The following ATP2C1 variants were observed in gnomAD, a reference collection of about 807,000 sequenced individuals.
The protein encoded by ATP2C1 is calcium-transporting ATPase type 2C member 1.
Under a neutral mutation model 120.5 loss-of-function variants are expected in ATP2C1, and 31 were observed. The ratio of observed to expected loss-of-function variants is 0.26; its 90% CI spans 0.19 to 0.35. The LOEUF (loss-of-function observed/expected upper bound fraction) is 0.35, where lower values mean the gene tolerates loss of function less well. ATP2C1 is among the 10% of genes least tolerant of loss of function. The probability of loss-of-function intolerance (pLI) is 1.00; values close to 1 mark genes in which losing one functional copy is unlikely to be tolerated. For synonymous variants in ATP2C1, 351 were observed against 358.7 expected, an observed-to-expected ratio of 0.98 and a Z score of 0.24; for missense variants, 731 against 1,107.5, an observed-to-expected ratio of 0.66 and a Z score of 4.83.
Position 130,901,649 on chromosome 3 carries a change from A to T in ATP2C1, c.6+6874A>T, listed in dbSNP as rs529227800. 3.3e-5 allele frequency among the ~76,000 whole-genome samples: 5 copies of T among 152,088 alleles called. No homozygotes were observed. The South Asian group carries it at 1.0e-3, about 32-fold the overall frequency. The stretch of plus-strand genomic sequence containing the variant: ...GATTTAGGGGCTGGCTGAAGGGAAT[A>T]TATAGGTCAGACTGTCATGATGTGA... On this transcript the variant is annotated intron_variant, in intron 2 of 27. Transcript: ENST00000510168.
intron 26 of ATP2C1, 140 bp from the exon 27 acceptor site, chr3:130,999,378 A>G: frequency 1.3e-6 from 1 of 768,060 alleles, no homozygotes; most frequent in Non-Finnish European, 2.2e-6. Flanking sequence ...CAGTAGTAAA[A>G]TTTAAGATAT....
intron 22 of ATP2C1, 52 bp from the exon 23 acceptor site, chr3:130,995,991 C>T (rs2062604870): frequency 1.7e-6 from 2 of 1,174,414 alleles, no homozygotes; most frequent in Non-Finnish European, 2.5e-6. Flanking sequence ...AGTATAGATA[C>T]ATTTTTGTAT....
chr3:131,004,776 G>A (rs1560042701), downstream of ATP2C1, among the ~76,000 whole-genome samples: 1 of 152,250 alleles, frequency 6.6e-6, no homozygotes, highest in African/African-American at 2.4e-5. Flanking sequence ...AGCCTCTGCA[G>A]AGGTGGTGGT....
chr3:131,015,289 C>G, intron 26 of ATP2C1: 1 of 691,818 alleles, frequency 1.4e-6, no homozygotes, highest in Non-Finnish European at 2.6e-6. Flanking sequence ...CAAGCCCCTC[C>G]CCCCACAGAG....
chr3:130,972,691 A>T (rs1004144987), intron 17 of ATP2C1, among the ~76,000 whole-genome samples: 1 of 136,378 alleles, frequency 7.3e-6, no homozygotes, highest in Non-Finnish European at 1.5e-5. Context: ...TTCACTTCTC[A>T]TCTATGAGTG....
intron 2 of ATP2C1, among the ~76,000 whole-genome samples, chr3:130,915,678 C>T (rs912493574): frequency 2.6e-5 from 4 of 152,072 alleles, no homozygotes; most frequent in African/African-American, 9.6e-5. Context: ...TCAGGGTTGT[C>T]GCAAGCCAAC....
Position 130,964,990 on chromosome 3 carries a change from C to T in ATP2C1, c.1067C>T (p.Thr356Met), listed in dbSNP as rs1242956141. 8 of 1,611,688 alleles carry T rather than the reference C, an allele frequency of 5.0e-6. No homozygotes were observed. The highest frequency in any genetic ancestry group is 1.1e-5 in the South Asian group (1 of 91,020). Residue 356 changes from threonine to methionine, a missense_variant, in exon 14 of 28, where the codon ACG becomes ATG. By Grantham distance (81) the Thr-to-Met change is moderately conservative (BLOSUM62 -1). Coordinates refer to ENST00000510168, the MANE Select transcript of ATP2C1 (RefSeq NM_001378687.1). ...TGTTCAGATAAAACTGGAACACTGACGAAGAATGAAATGACTGTTACTCAC... is the reference window on the plus strand; with the variant it reads ...TGTTCAGATAAAACTGGAACACTGATGAAGAATGAAATGACTGTTACTCAC... The part of the protein sequence containing the change: ...VICSDKTGTL[T>M]KNEMTVTHIF...
intron 20 of ATP2C1, among the ~76,000 whole-genome samples, chr3:130,982,994 T>G (rs2061837730): frequency 6.6e-6 from 1 of 152,214 alleles, no homozygotes; most frequent in Non-Finnish European, 1.5e-5. Flanking sequence ...TTTACATAAC[T>G]TTGGCATTTC....
intron 26 of ATP2C1, among the ~76,000 whole-genome samples, chr3:131,010,290 A>C (rs2063271233): frequency 6.8e-6 from 1 of 146,940 alleles, no homozygotes; most frequent in Middle Eastern, 3.3e-3. Flanking sequence ...TCCCGGGTTC[A>C]CACCATTCTC....
In ATP2C1 at chr3:130,857,013, C is replaced by T. The variant is rs1377954104; in HGVS notation, c.108+6085C>T. On this transcript the variant is annotated intron_variant, in intron 1 of 26. Coordinates refer to the ATP2C1 transcript ENST00000504381. Reference sequence around the variant, plus strand: ...TAGAGGACAGAGAGTCTATGCCACTCCTGTGGAGGAATTTGTATAATTATA... The same window carrying T: ...TAGAGGACAGAGAGTCTATGCCACTTCTGTGGAGGAATTTGTATAATTATA... 3.9e-5 allele frequency among the ~76,000 whole-genome samples: 6 copies of T among 152,208 alleles called. No homozygotes were observed. The East Asian group carries it at 1.2e-3, about 29-fold the overall frequency.
chr3:130,889,365 C>T (rs2069089908), upstream of ATP2C1, among the ~76,000 whole-genome samples: 1 of 152,146 alleles, frequency 6.6e-6, no homozygotes, highest in Admixed American at 6.5e-5. Context: ...GTGTACAATG[C>T]TTTTTGTCAG....
chr3:130,920,626 TTTG>T (rs1338353791), intron 2 of ATP2C1, among the ~76,000 whole-genome samples: 2 of 152,178 alleles, frequency 1.3e-5, no homozygotes, highest in African/African-American at 4.8e-5. Flanking sequence ...TGCCTCCAGC[TTTG>T]TTCTTTTACA....
chr3:130,855,178 G>A (rs755165462), intron 1 of ATP2C1, among the ~76,000 whole-genome samples: 6 of 151,980 alleles, frequency 3.9e-5, no homozygotes, highest in Middle Eastern at 3.4e-3. Flanking sequence ...TTTCCAATTC[G>A]TGTCTCCATG....
intron 22 of ATP2C1, among the ~76,000 whole-genome samples, chr3:130,995,202 C>T (rs1019575359): frequency 1.3e-5 from 2 of 151,914 alleles, no homozygotes; most frequent in Non-Finnish European, 2.9e-5. Flanking sequence ...TCACTTGAGC[C>T]CAGGAGTTCG....
rs1319644814 is a variant in ATP2C1 at position 130,967,441 on chromosome 3, CTTT to C, written c.1308+23_1308+25del. ...GAAGGTACGTACCTAAATTTCTCTT[CTTT>C]GACATTTGAGACACTGCCCTCACAA... On this transcript the variant is annotated intron_variant, in intron 16 of 27. Coordinates refer to ENST00000510168, the MANE Select transcript of ATP2C1 (RefSeq NM_001378687.1). 3 of 1,596,184 alleles carry C rather than the reference CTTT, an allele frequency of 1.9e-6. No individual in the cohort carries two copies. The African/African-American group carries it at 4.0e-5, about 21-fold the overall frequency.
Position 130,967,315 on chromosome 3 carries a change from G to A in ATP2C1, c.1219-15G>A. Reference sequence around the variant, plus strand: ...ACACAGTGATAGGTTCATAGTTTATGTGTATTTTTCTTAGGCGGGCTGTGT... The same window carrying A: ...ACACAGTGATAGGTTCATAGTTTATATGTATTTTTCTTAGGCGGGCTGTGT... On this transcript the variant is annotated splice_polypyrimidine_tract_variant and intron_variant, in intron 15 of 27. Transcript: ENST00000510168. 6.2e-7 allele frequency: 1 copy of A among 1,613,158 alleles called. No individual in the cohort carries two copies. Among genetic ancestry groups the A allele is most frequent in the African/African-American group, 1.3e-5 (1 of 74,946 alleles).
At chr3:131,015,962 A>T in intron 26 of ATP2C1, 1 of 783,932 alleles carries the variant, frequency 1.3e-6, no homozygotes, top group Non-Finnish European at 2.1e-6. Context: ...GAAATAATTT[A>T]ATATTTTTCC....
chr3:130,918,990 T>C, intron 2 of ATP2C1: 1 of 417,842 alleles, frequency 2.4e-6, no homozygotes, highest in Non-Finnish European at 4.7e-6. Context: ...AGACTCCGTC[T>C]TAAACAAACA....
intron 1 of ATP2C1, among the ~76,000 whole-genome samples, chr3:130,885,381 A>G (rs757655356): frequency 2.0e-5 from 3 of 151,724 alleles, no homozygotes; most frequent in African/African-American, 4.8e-5. Context: ...CTATTTTGTT[A>G]TGTGTTTTCT....
Sources: gnomAD v4.1 joint callset for allele counts (sites outside exome capture counted in the v4.1 genomes callset) on GRCh38, gnomAD v4.1.1 for gene constraint, MANE v1.5 for transcripts, NCBI Gene and HGNC (gene_info 2026-07-23, HGNC 2026-07-21) for gene names.